Variants in SAFB2 observed in about 807,000 individuals in gnomAD.
SAFB2 encodes the protein scaffold attachment factor B2.
In SAFB2, 32 loss-of-function variants were observed where a neutral mutation model predicts 100.6. That is an observed-to-expected ratio of 0.32 (90% CI 0.24 to 0.43). SAFB2 has a LOEUF of 0.43. SAFB2 is among the 20% of genes least tolerant of loss of function. SAFB2 has a pLI of 1.00. For missense variants in SAFB2, 1,185 were observed against 1,163.4 expected (o/e 1.02, Z -0.27); for synonymous variants, 500 against 439.4 (o/e 1.14, Z -1.72).
intron 11 of SAFB2, among the ~76,000 whole-genome samples, chr19:5,602,247 G>A (rs1191568751): frequency 2.0e-5 from 3 of 152,040 alleles, no homozygotes; most frequent in Admixed American, 6.6e-5. Flanking sequence ...GGAGGCTGAG[G>A]TGGGTGGATC....
chr19:5,607,203 G>A (rs964757186), intron 9 of SAFB2, among the ~76,000 whole-genome samples: 1 of 152,194 alleles, frequency 6.6e-6, no homozygotes, highest in Non-Finnish European at 1.5e-5. Flanking sequence ...AGAGCTTGCA[G>A]TGAGCCGAGA....
chr19:5,616,455 A>G lies in SAFB2; in HGVS notation c.306T>C (p.Asp102=), dbSNP rs2053033516. The change falls in exon 3 of 21, where the codon GAT becomes GAC. Residue 102 remains aspartate (D), a synonymous_variant. Transcript: ENST00000252542. ...GLKMEEEGTE[D]NGLEDDSRDG... is the part of the protein sequence containing the mutation. ...CTCTGGAATCGTCTTCCAGGCCATT[A>G]TCTTCTGTGCCTTCCTCCTCCATCT... 20 of 1,613,890 alleles carry G rather than the reference A, an allele frequency of 1.2e-5. No individual in the cohort carries two copies. Among genetic ancestry groups the G allele is most frequent in the Non-Finnish European group, 1.7e-5 (20 of 1,180,000 alleles).
At chr19:5,607,441 G>C (rs2052800730) in intron 9 of SAFB2, among the ~76,000 whole-genome samples, 2 of 152,154 alleles carry the variant, frequency 1.3e-5, no homozygotes, top group African/African-American at 4.8e-5. Context: ...TTCCCACAGA[G>C]TTCTTGCACT....
chr19:5,622,769 G>C lies in SAFB2; in HGVS notation c.-54C>G. 2 of 1,543,724 alleles carry C rather than the reference G, an allele frequency of 1.3e-6. No individual in the cohort carries two copies. The highest frequency in any genetic ancestry group is 1.7e-6 in the Non-Finnish European group (2 of 1,148,466). Reference sequence around the variant, plus strand: ...CAGTCGCACACCGCCGGCAGCTATAGCGGCTCTGAACACAAAATGGCGCCG... The same window carrying C: ...CAGTCGCACACCGCCGGCAGCTATACCGGCTCTGAACACAAAATGGCGCCG... On this transcript the variant is annotated 5_prime_UTR_variant, in exon 1 of 21. Coordinates refer to ENST00000252542, the MANE Select transcript of SAFB2 (RefSeq NM_014649.3).
At chr19:5,600,759 G>A (rs191904305) in intron 11 of SAFB2, among the ~76,000 whole-genome samples, 12 of 152,236 alleles carry the variant, frequency 7.9e-5, no homozygotes, top group Admixed American at 6.5e-4. Context: ...AACACCCCTC[G>A]ACCGGTAACT....
chr19:5,587,310 C>T lies in SAFB2; in HGVS notation c.2795G>A (p.Arg932Gln), dbSNP rs752536696. ...GTGTGGGTGAGGGACTCTGCTGCCC[C>T]GGTCCTGGCTGGCCACTCCGCCACC... Reference protein sequence around the residue: ...LEGGGVASQDRGSRVPHPHPH... With the variant: ...LEGGGVASQDQGSRVPHPHPH... Residue 932 changes from arginine to glutamine, a missense_variant, in exon 21 of 21, where the codon CGG becomes CAG. Physicochemically the swap from Arg to Gln is conservative, Grantham distance 43. Coordinates refer to ENST00000252542, the MANE Select transcript of SAFB2 (RefSeq NM_014649.3). The surrounding 1 kb of genome is among the most constrained non-coding windows in gnomAD (Gnocchi z 4.9). 16 of 1,612,370 alleles carry T rather than the reference C, an allele frequency of 9.9e-6. No individual in the cohort carries two copies. Among genetic ancestry groups the T allele is most frequent in the Non-Finnish European group, 1.2e-5 (14 of 1,179,426 alleles).
At chr19:5,600,088 C>T (rs2052622505) in intron 12 of SAFB2, 42 bp downstream of exon 12, 1 of 1,591,578 alleles carries the variant, frequency 6.3e-7, no homozygotes, top group Non-Finnish European at 8.5e-7. Context: ...CCCACCCGTG[C>T]CAGGCCTTCC....
chr19:5,598,736 GGCCGTGGA>G (rs2052587394), intron 13 of SAFB2, 49 bp downstream of exon 13: 1 of 1,487,628 alleles, frequency 6.7e-7, no homozygotes, highest in African/African-American at 1.4e-5. Flanking sequence ...GGATCAAACG[GGCCGTGGA>G]GCCATCGTGA....
chr19:5,604,895 C>T lies in SAFB2; in HGVS notation c.1338G>A (p.Gly446=), dbSNP rs1447466486. The change falls in exon 10 of 21, where the codon GGG becomes GGA. Residue 446 remains glycine (G), a synonymous_variant. Coordinates refer to ENST00000252542, the MANE Select transcript of SAFB2 (RefSeq NM_014649.3). ...TGGTGACGAATCCATAGCATCGAGC[C>T]CCCGGGCTGCGGGCGTTCGTTACCA... ...AKVVTNARSP[G]ARCYGFVTMS... 1.2e-6 allele frequency: 2 copies of T among 1,613,956 alleles called. No homozygotes were observed. Among genetic ancestry groups the T allele is most frequent in the Non-Finnish European group, 1.7e-6 (2 of 1,180,032 alleles).
intron 13 of SAFB2, among the ~76,000 whole-genome samples, chr19:5,596,352 TATTTTTTGTAG>T (rs2052535988): frequency 6.6e-6 from 1 of 152,188 alleles, no homozygotes; most frequent in African/African-American, 2.4e-5. Context: ...TTCCGTAATT[TATTTTTTGTAG>T]GTTTTTTGGG....
At chr19:5,618,396 C>T (rs892479312) in intron 2 of SAFB2, among the ~76,000 whole-genome samples, 2 of 152,082 alleles carry the variant, frequency 1.3e-5, no homozygotes, top group Admixed American at 1.3e-4. Flanking sequence ...CATAAAAAAC[C>T]TGCAGGGTCT....
At chr19:5,611,813 C>G in intron 6 of SAFB2, 183 bp from the exon 7 acceptor site, 1 of 653,736 alleles carries the variant, frequency 1.5e-6, no homozygotes, top group Non-Finnish European at 2.8e-6. Flanking sequence ...GCGACCGCCT[C>G]TAGGTAAGCC....
At chr19:5,594,267 C>G in intron 14 of SAFB2, 89 bp from the exon 15 acceptor site, 2 of 1,400,352 alleles carry the variant, frequency 1.4e-6, no homozygotes, top group Non-Finnish European at 1.9e-6. Flanking sequence ...GTATTGGAAG[C>G]AGAAAAAAAA....
At chr19:5,591,662 T>C (rs1261522477) in intron 17 of SAFB2, 86 bp downstream of exon 17, 10 of 1,384,940 alleles carry the variant, frequency 7.2e-6, no homozygotes, top group Non-Finnish European at 9.2e-6. Flanking sequence ...CTCTCTGGGA[T>C]CAAGCGGCCG....
chr19:5,593,905 G>A lies in SAFB2; in HGVS notation c.2193C>T (p.Pro731=), dbSNP rs1290633251. 5 of 1,514,016 alleles carry A rather than the reference G, an allele frequency of 3.3e-6. No individual in the cohort carries two copies. Among genetic ancestry groups the A allele is most frequent in the South Asian group, 1.3e-5 (1 of 75,646 alleles). The allele number at this position is 1,514,016 out of a possible 1,614,324, so 93.8% of individuals were successfully genotyped here. The change falls in exon 15 of 21, where the codon CCC becomes CCT. Residue 731 remains proline, a synonymous_variant. Coordinates refer to ENST00000252542, the MANE Select transcript of SAFB2 (RefSeq NM_014649.3). ...YEQERRPGRR[P]YDLDRRDDAY... is the part of the protein sequence containing the mutation. ...GCGGGACTCACCGGTCCAGGTCGTA[G>A]GGCCTCCGCCCGGGCCGCCGCTCCT...
intron 9 of SAFB2, among the ~76,000 whole-genome samples, chr19:5,605,736 C>T (rs967853678): frequency 9.9e-5 from 15 of 152,178 alleles, no homozygotes; most frequent in African/African-American, 2.9e-4. Context: ...TGTGATGAAA[C>T]GTAGGCAACG....
intron 18 of SAFB2, 48 bp downstream of exon 18, chr19:5,590,230 C>T: frequency 1.4e-6 from 2 of 1,413,400 alleles, no homozygotes; most frequent in South Asian, 1.5e-5. Context: ...CAACCTTTTC[C>T]CAGGTTAGGA....
chr19:5,609,239 T>C (rs982887432), intron 9 of SAFB2, among the ~76,000 whole-genome samples: 6 of 151,874 alleles, frequency 4.0e-5, no homozygotes, highest in East Asian at 1.9e-4. Context: ...GATCATGTTC[T>C]AGTTATGAGA....
Position 5,610,671 on chromosome 19 carries a change from T to C in SAFB2, c.1163A>G (p.Lys388Arg). 1.3e-6 allele frequency: 2 copies of C among 1,567,666 alleles called. No homozygotes were observed. Among genetic ancestry groups the C allele is most frequent in the Non-Finnish European group, 1.7e-6 (2 of 1,144,554 alleles). ...DQKMSSFKEE[K>R]DIKPIIKDEK... ...ATCTTTAATGATTGGCTTTATATCT[T>C]TTTCTTCCTTAAAAGAGCTAGAGAC... The change falls in exon 8 of 21, where the codon AAA (lysine) becomes AGA (arginine). Residue 388 changes from lysine (K) to arginine (R), a missense_variant. Transcript: ENST00000252542.
Sources: gnomAD v4.1 joint callset for allele counts (sites outside exome capture counted in the v4.1 genomes callset) on GRCh38, gnomAD v4.1.1 for gene constraint, Gnocchi (gnomAD v3.1) non-coding constraint, MANE v1.5 for transcripts, NCBI Gene and HGNC (gene_info 2026-07-23, HGNC 2026-07-21) for gene names.